The following EEPD1 variants were observed in gnomAD, a reference collection of about 807,000 sequenced individuals.
EEPD1 encodes the protein endonuclease/exonuclease/phosphatase family domain-containing protein 1.
EEPD1 carries 17 observed loss-of-function variants against 46.3 expected under a neutral mutation model. The observed-to-expected ratio is 0.37, with a 90% CI of 0.25 to 0.55. EEPD1 has a LOEUF of 0.55. Ranked by LOEUF, EEPD1 falls within the 20% of genes least tolerant of loss-of-function variation. EEPD1 has a pLI of 0.83. For missense variants in EEPD1, 673 were observed against 745.6 expected, an observed-to-expected ratio of 0.90 and a Z score of 1.13; for synonymous variants, 313 against 315.6, an observed-to-expected ratio of 0.99 and a Z score of 0.09.
At chr7:36,252,025 T>C (rs907639184) in intron 3 of EEPD1, among the ~76,000 whole-genome samples, 1 of 152,224 alleles carries the variant, frequency 6.6e-6, no homozygotes, top group Non-Finnish European at 1.5e-5. Flanking sequence ...TCAGCTGAGC[T>C]GCTTGGGGAA....
chr7:36,170,126 C>T (rs1280474234), intron 2 of EEPD1, among the ~76,000 whole-genome samples: 2 of 152,130 alleles, frequency 1.3e-5, no homozygotes, highest in African/African-American at 4.8e-5. Context: ...GTATTTTGGC[C>T]GGGTGCGGTG....
chr7:36,196,301 T>G (rs1286152907), intron 2 of EEPD1, among the ~76,000 whole-genome samples: 1 of 152,054 alleles, frequency 6.6e-6, no homozygotes, highest in Non-Finnish European at 1.5e-5. Flanking sequence ...ACACTAAATT[T>G]TTTTTTTTAA....
intron 6 of EEPD1, among the ~76,000 whole-genome samples, chr7:36,288,409 G>T (rs1006041170): frequency 3.9e-5 from 6 of 152,096 alleles, no homozygotes; most frequent in Non-Finnish European, 8.8e-5. Flanking sequence ...ACATAGTAGG[G>T]ACTTCATGTA....
Position 36,299,427 on chromosome 7 carries a change from G to T in EEPD1, c.*221G>T. On this transcript the variant is annotated 3_prime_UTR_variant, in exon 8 of 8. Coordinates refer to ENST00000242108, the MANE Select transcript of EEPD1 (RefSeq NM_030636.3). ...CACCAGGTGGGCAAAGCAGAAACCT[G>T]CGGGGAGCGGAGACGCCTTTTATCT... 3.3e-6 allele frequency: 2 copies of T among 603,024 alleles called. No individual in the cohort carries two copies. Among genetic ancestry groups the T allele is most frequent in the South Asian group, 4.2e-5 (2 of 47,974 alleles). 37.4% of individuals were successfully genotyped at this position (603,024 alleles called of 1,614,324 possible). A position where few individuals can be genotyped will look rare whatever the true frequency, so the allele number is the denominator to read the frequency against.
chr7:36,287,451 T>G, intron 5 of EEPD1, 188 bp from the exon 6 acceptor site: 1 of 805,082 alleles, frequency 1.2e-6, no homozygotes. Flanking sequence ...ATAGGCCTTG[T>G]TCCTGCAGGT....
intron 2 of EEPD1, among the ~76,000 whole-genome samples, chr7:36,214,872 G>C (rs1351037258): frequency 6.6e-6 from 1 of 152,180 alleles, no homozygotes; most frequent in Non-Finnish European, 1.5e-5. Context: ...TGAGCGGAGA[G>C]AATCAAGCTG....
rs563058717 is a variant in EEPD1 at position 36,155,034 on chromosome 7, G to C, written c.710G>C (p.Gly237Ala). The C allele has an allele frequency of 6.2e-7, 1 of 1,604,224 alleles. No homozygotes were observed. Among genetic ancestry groups the C allele is most frequent in the East Asian group, 2.2e-5 (1 of 44,730 alleles). Residue 237 changes from glycine (G) to alanine (A), a missense_variant, in exon 2 of 8, where the codon GGG (glycine) becomes GCG (alanine). By Grantham distance (60) the Gly-to-Ala change is moderately conservative (BLOSUM62 0). Transcript: ENST00000242108. Reference sequence around the variant, plus strand: ...GAGGACCTGGACCTGCCGCCAGGGGGGCCCACCCAGATTATCTCCACTCGG... The same window carrying C: ...GAGGACCTGGACCTGCCGCCAGGGGCGCCCACCCAGATTATCTCCACTCGG... ...QSEDLDLPPGGPTQIISTRPS... is the reference protein window; with the variant it reads ...QSEDLDLPPGAPTQIISTRPS...
Position 36,185,214 on chromosome 7 carries a change from A to G in EEPD1, c.878+30012A>G, listed in dbSNP as rs1180058040. 2.0e-5 allele frequency among the ~76,000 whole-genome samples: 3 copies of G among 152,240 alleles called. No homozygotes were observed. In the East Asian group the frequency reaches 5.8e-4, roughly 29 times the overall value. On this transcript the variant is annotated intron_variant, in intron 2 of 7. Coordinates refer to ENST00000242108, the MANE Select transcript of EEPD1 (RefSeq NM_030636.3). ...GGTGTCTGTATCCTTGAACAGAGGC[A>G]TCGTTGCACTTCTCATAAATGGAAT...
In EEPD1 at chr7:36,163,716, A is replaced by G. The variant is rs371401897; in HGVS notation, c.878+8514A>G. Among the ~76,000 whole-genome samples the G allele has an allele frequency of 3.0e-4, 46 of 152,150 alleles. No homozygotes were observed. In the East Asian group the frequency reaches 8.3e-3, roughly 28 times the overall value. On this transcript the variant is annotated intron_variant, in intron 2 of 7. Coordinates refer to ENST00000242108, the MANE Select transcript of EEPD1 (RefSeq NM_030636.3). The stretch of plus-strand genomic sequence containing the variant: ...AACACAGTGAAACCCTGTCTCTACT[A>G]AAAATAAAAAAATTAGCCAGGCGTG...
intron 3 of EEPD1, among the ~76,000 whole-genome samples, chr7:36,244,767 A>ATTTTTTT (rs140539379): frequency 9.2e-6 from 1 of 108,434 alleles, no homozygotes; most frequent in Non-Finnish European, 1.9e-5. Context: ...TTCAGAGTTG[A>ATTTTTTT]TTTTTTTTTT....
At chr7:36,187,204 A>G (rs1785374152) in intron 2 of EEPD1, among the ~76,000 whole-genome samples, 1 of 152,234 alleles carries the variant, frequency 6.6e-6, no homozygotes, top group South Asian at 2.1e-4. Flanking sequence ...ATATTAAGCG[A>G]CATCACTTTC....
intron 2 of EEPD1, among the ~76,000 whole-genome samples, chr7:36,231,472 T>G (rs1001974134): frequency 2.6e-5 from 4 of 152,176 alleles, no homozygotes; most frequent in African/African-American, 9.7e-5. Context: ...TCTCAGAGGA[T>G]GAGGACCAAG....
chr7:36,254,846 G>A (rs183601827), intron 3 of EEPD1, among the ~76,000 whole-genome samples: 1 of 152,280 alleles, frequency 6.6e-6, no homozygotes, highest in African/African-American at 2.4e-5. Context: ...GCGTGAGATG[G>A]TATCTCATTG....
rs201566757 is a variant in EEPD1 at position 36,292,364 on chromosome 7, C to G, written c.1315+4587C>G. On this transcript the variant is annotated intron_variant, in intron 6 of 7. Transcript: ENST00000242108. ...GTTTTCTTTCTTTCTTTTTTCTTTT[C>G]TTTTCTTTTGTTTTGTTTTCTTTTC... Among the ~76,000 whole-genome samples, 316 of 147,090 alleles carry G rather than the reference C, an allele frequency of 2.1e-3. 4 individuals are homozygous for G. In the East Asian group the frequency reaches 0.031, roughly 14 times the overall value.
intron 2 of EEPD1, among the ~76,000 whole-genome samples, chr7:36,156,716 C>A (rs978215886): frequency 6.6e-6 from 1 of 152,168 alleles, no homozygotes; most frequent in Non-Finnish European, 1.5e-5. Flanking sequence ...TGTGGTCCCC[C>A]CTGGGGACCA....
intron 3 of EEPD1, among the ~76,000 whole-genome samples, chr7:36,258,553 T>G (rs1190313866): frequency 1.3e-5 from 2 of 152,214 alleles, no homozygotes; most frequent in African/African-American, 4.8e-5. Context: ...AGAGGCAGTC[T>G]GGCTACAGTG....
intron 4 of EEPD1, 82 bp from the exon 5 acceptor site, chr7:36,284,604 G>C (rs1480093157): frequency 1.3e-6 from 2 of 1,509,356 alleles, no homozygotes; most frequent in African/African-American, 1.4e-5. Flanking sequence ...ACTGCCTCTC[G>C]GTCTCTCTGG....
chr7:36,163,554 G>A (rs961891774), intron 2 of EEPD1, among the ~76,000 whole-genome samples: 2 of 152,140 alleles, frequency 1.3e-5, no homozygotes, highest in Non-Finnish European at 2.9e-5. Context: ...CAAAGTCTTT[G>A]CAGTTAGACT....
At chr7:36,199,861 C>T (rs1273973659) in intron 2 of EEPD1, among the ~76,000 whole-genome samples, 3 of 152,156 alleles carry the variant, frequency 2.0e-5, no homozygotes, top group Non-Finnish European at 4.4e-5. Flanking sequence ...CACCTATGGA[C>T]TGTCGTGAGC....
Sources: gnomAD v4.1 joint callset for allele counts (sites outside exome capture counted in the v4.1 genomes callset) on GRCh38, gnomAD v4.1.1 for gene constraint, MANE v1.5 for transcripts, NCBI Gene and HGNC (gene_info 2026-07-23, HGNC 2026-07-21) for gene names.